Variants in RBFOX1 observed in about 807,000 individuals in gnomAD.
The protein encoded by RBFOX1 is RNA binding fox-1 homolog 1.
RBFOX1 carries 8 observed loss-of-function variants against 57.7 expected under a neutral mutation model. The observed-to-expected ratio is 0.14, with a 90% CI of 0.08 to 0.25. RBFOX1 has a LOEUF of 0.25. Ranked by LOEUF, RBFOX1 falls within the 10% of genes least tolerant of loss-of-function variation. RBFOX1 has a pLI of 1.00. For synonymous variants in RBFOX1, 326 were observed against 222.4 expected, an observed-to-expected ratio of 1.47 and a Z score of -4.15; for missense variants, 611 against 548.5, an observed-to-expected ratio of 1.11 and a Z score of -1.14.
intron 2 of RBFOX1, among the ~76,000 whole-genome samples, chr16:6,635,954 C>G (rs2098427851): frequency 6.6e-6 from 1 of 152,004 alleles, no homozygotes; most frequent in Non-Finnish European, 1.5e-5. Flanking sequence ...GGGATGGGAC[C>G]CAAGTTGAGA....
intron 3 of RBFOX1, among the ~76,000 whole-genome samples, chr16:6,892,510 A>C (rs1420608936): frequency 6.6e-6 from 1 of 152,130 alleles, no homozygotes; most frequent in Non-Finnish European, 1.5e-5. Context: ...ATTCTACTAA[A>C]AATACAAAAA....
intron 3 of RBFOX1, among the ~76,000 whole-genome samples, chr16:6,806,836 A>ATATATATATATATATATATTT (rs754342591): frequency 1.1e-5 from 1 of 91,902 alleles, no homozygotes. Flanking sequence ...ATATATATAT[A>ATATATATATATATATATATTT]TTTTTTTTTT....
chr16:7,025,794 CGCTGCAGG>C, intron 3 of RBFOX1, among the ~76,000 whole-genome samples: 1 of 152,210 alleles, frequency 6.6e-6, no homozygotes, highest in Non-Finnish European at 1.5e-5. Context: ...CAGCAGATGG[CGCTGCAGG>C]GATTCAAACT....
At chr16:6,998,314 C>T (rs923648830) in intron 3 of RBFOX1, among the ~76,000 whole-genome samples, 2 of 152,130 alleles carry the variant, frequency 1.3e-5, no homozygotes. Flanking sequence ...GAACAACACT[C>T]ATTAGTGTCT....
At chr16:5,311,716 A>G (rs886160968) in intron 1 of RBFOX1, among the ~76,000 whole-genome samples, 1 of 152,112 alleles carries the variant, frequency 6.6e-6, no homozygotes, top group Non-Finnish European at 1.5e-5. Flanking sequence ...ATGTCTATTC[A>G]TGTCATTTGT....
At chr16:6,580,497 A>G (rs558193774) in intron 2 of RBFOX1, among the ~76,000 whole-genome samples, 1 of 152,356 alleles carries the variant, frequency 6.6e-6, no homozygotes, top group African/African-American at 2.4e-5. Flanking sequence ...AAACTCCGTA[A>G]GACATAATCC....
At chr16:6,995,133 T>G (rs1234259479) in intron 3 of RBFOX1, among the ~76,000 whole-genome samples, 2 of 152,172 alleles carry the variant, frequency 1.3e-5, no homozygotes, top group Non-Finnish European at 2.9e-5. Context: ...ACCTGTAATT[T>G]AGGCTAATAT....
rs189774632 is a variant in RBFOX1, at chr16:6,551,263, A to G, written c.-63-103340A>G. Among the ~76,000 whole-genome samples the G allele has an allele frequency of 9.2e-5, 14 of 152,328 alleles. No homozygotes were observed. In the East Asian group the frequency reaches 2.5e-3, roughly 27 times the overall value. On this transcript the variant is annotated intron_variant, in intron 2 of 15. Transcript: ENST00000550418. ...TGTTGGACACATGTAATGAGTAAATACATATGTGACTGCTGCCCTCATGGT... is the reference window on the plus strand; with the variant it reads ...TGTTGGACACATGTAATGAGTAAATGCATATGTGACTGCTGCCCTCATGGT...
chr16:6,176,809 T>C (rs767313042), intron 1 of RBFOX1, among the ~76,000 whole-genome samples: 5 of 152,182 alleles, frequency 3.3e-5, no homozygotes, highest in Admixed American at 2.0e-4. Context: ...GTCTTTTGGG[T>C]ACATGTGTCC....
chr16:5,363,384 A>G (rs1418311428), intron 1 of RBFOX1, among the ~76,000 whole-genome samples: 1 of 152,132 alleles, frequency 6.6e-6, no homozygotes, highest in Non-Finnish European at 1.5e-5. Context: ...TGCAGATCAT[A>G]TGGTAGTTCT....
intron 3 of RBFOX1, among the ~76,000 whole-genome samples, chr16:6,829,439 A>G (rs1438974648): frequency 1.3e-5 from 2 of 151,080 alleles, no homozygotes; most frequent in Non-Finnish European, 2.9e-5. Context: ...TTTCTTGGGT[A>G]AGTTTTGGGT....
rs553601744 is a variant in RBFOX1 at position 7,034,522 on chromosome 16, G to C, written c.-15-17535G>C. On this transcript the variant is annotated intron_variant, in intron 3 of 15. Transcript: ENST00000550418. ...ATCTCTAGGGCACTTCAGAAAGATG[G>C]ATGGGAAGTGGGAAGAGGGGATGAG... 4.6e-5 allele frequency among the ~76,000 whole-genome samples: 7 copies of C among 152,232 alleles called. No homozygotes were observed. In the East Asian group the frequency reaches 1.4e-3, roughly 29 times the overall value.
intron 4 of RBFOX1, among the ~76,000 whole-genome samples, chr16:5,962,666 C>A (rs568148392): frequency 6.6e-6 from 1 of 152,186 alleles, no homozygotes; most frequent in South Asian, 2.1e-4. Flanking sequence ...AAATGGCTAA[C>A]AGATCGTAGA....
At chr16:7,243,009 A>G (rs11077160) in intron 4 of RBFOX1, among the ~76,000 whole-genome samples, 41,510 of 151,776 alleles carry the variant, frequency 0.27, 6,145 homozygotes, top group Middle Eastern at 0.44. Flanking sequence ...TGTTACTTGG[A>G]TTTTCAGGAT....
intron 3 of RBFOX1, among the ~76,000 whole-genome samples, chr16:6,889,508 T>G: frequency 6.6e-6 from 1 of 152,206 alleles, no homozygotes; most frequent in Non-Finnish European, 1.5e-5. Context: ...TTGAGCTGTG[T>G]GTTGGGTTCT....
intron 2 of RBFOX1, among the ~76,000 whole-genome samples, chr16:5,489,789 G>A (rs1357926495): frequency 6.6e-6 from 1 of 152,194 alleles, no homozygotes; most frequent in Admixed American, 6.5e-5. Flanking sequence ...AGGTTCCTCA[G>A]GGTCACCCAG....
chr16:5,708,425 G>T (rs2051331363), intron 3 of RBFOX1, among the ~76,000 whole-genome samples: 1 of 152,160 alleles, frequency 6.6e-6, no homozygotes, highest in Admixed American at 6.5e-5. Flanking sequence ...AAGCAGTAGG[G>T]TGAGAGAGAA....
intron 4 of RBFOX1, among the ~76,000 whole-genome samples, chr16:7,511,552 GT>G (rs1324559463): frequency 6.6e-6 from 1 of 151,998 alleles, no homozygotes. Context: ...AGATTACAGT[GT>G]TTGTCTTAAA....
intron 3 of RBFOX1, among the ~76,000 whole-genome samples, chr16:7,014,087 A>G (rs903655515): frequency 6.6e-6 from 1 of 152,244 alleles, no homozygotes; most frequent in African/African-American, 2.4e-5. Flanking sequence ...ACACAATGTC[A>G]TTGGAATGGC....
Sources: gnomAD v4.1 joint callset for allele counts (sites outside exome capture counted in the v4.1 genomes callset) on GRCh38, gnomAD v4.1.1 for gene constraint, MANE v1.5 for transcripts, NCBI Gene and HGNC (gene_info 2026-07-23, HGNC 2026-07-21) for gene names.